Variants in TRMT11 observed in about 807,000 individuals in gnomAD.
The protein encoded by TRMT11 is tRNA methyltransferase 11, also known as tRNA (guanine(10)-N(2))-methyltransferase TRMT11.
Under a neutral mutation model 62.8 loss-of-function variants are expected in TRMT11, and 53 were observed. The ratio of observed to expected loss-of-function variants is 0.84; its 90% CI spans 0.68 to 1.06. The LOEUF (loss-of-function observed/expected upper bound fraction) is 1.06, where lower values mean the gene tolerates loss of function less well. Ranked by LOEUF, TRMT11 falls within the 50% of genes least tolerant of loss-of-function variation. The probability of loss-of-function intolerance (pLI) is 0.00; values close to 1 mark genes in which losing one functional copy is unlikely to be tolerated. For missense variants in TRMT11, 556 were observed against 553.4 expected (o/e 1.00, Z -0.05); for synonymous variants, 188 against 190.3 (o/e 0.99, Z 0.10).
intron 1 of TRMT11, among the ~76,000 whole-genome samples, chr6:125,993,266 T>G (rs139745173): frequency 6.6e-6 from 1 of 152,368 alleles, no homozygotes; most frequent in Non-Finnish European, 1.5e-5. Flanking sequence ...TTTGCATGAA[T>G]GATGCTTTTA....
chr6:126,093,606 TATATATATATA>T (rs1777301751), intron 17 of TRMT11, among the ~76,000 whole-genome samples: 1 of 89,340 alleles, frequency 1.1e-5, no homozygotes, highest in African/African-American at 6.7e-5. Context: ...TATATATATA[TATATATATATA>T]TATATATATA....
In TRMT11 at chr6:126,003,020, T is replaced by A. The variant is rs1027395852; in HGVS notation, c.679+3407T>A. 8.5e-5 allele frequency among the ~76,000 whole-genome samples: 13 copies of A among 152,204 alleles called. No homozygotes were observed. The South Asian group carries it at 1.5e-3, about 17-fold the overall frequency. On this transcript the variant is annotated intron_variant, in intron 7 of 12. Transcript: ENST00000334379. Reference sequence around the variant, plus strand: ...ATCTTTATTCTGTTTTAGTTTTGCTTCATGAGTGTATGTACCGTAATTTAT... The same window carrying A: ...ATCTTTATTCTGTTTTAGTTTTGCTACATGAGTGTATGTACCGTAATTTAT...
intron 17 of TRMT11, among the ~76,000 whole-genome samples, chr6:126,077,207 A>G (rs1449934880): frequency 5.3e-5 from 8 of 152,188 alleles, no homozygotes; most frequent in South Asian, 2.1e-4. Flanking sequence ...TTTCTTTCCA[A>G]TGGGCTGATT....
chr6:126,138,196 T>C, intron 21 of TRMT11, among the ~76,000 whole-genome samples: 1 of 152,106 alleles, frequency 6.6e-6, no homozygotes, highest in East Asian at 1.9e-4. Context: ...ATATGTTGTA[T>C]ATGTATATTA....
rs17854915 is a variant in TRMT11, at chr6:126,008,401, T to C, written c.689T>C (p.Leu230Pro). 55 of 1,612,988 alleles carry C rather than the reference T, an allele frequency of 3.4e-5. No homozygotes were observed. Among genetic ancestry groups the C allele is most frequent in the Non-Finnish European group, 4.4e-5 (52 of 1,179,202 alleles). The change falls in exon 8 of 13, where the codon CTG becomes CCG. Residue 230 changes from leucine to proline, a missense_variant. Transcript: ENST00000334379. ...TTGTGTGATTTTTCAGGTGGCCTGCTGATAGCATGTGCTCATTTTGGTGCA... is the reference window on the plus strand; with the variant it reads ...TTGTGTGATTTTTCAGGTGGCCTGCCGATAGCATGTGCTCATTTTGGTGCA... ...FDPFVGTGGL[L>P]IACAHFGAYV...
At chr6:126,209,379 C>T in the TRMT11 span, among the ~76,000 whole-genome samples, 1 of 152,124 alleles carries the variant, frequency 6.6e-6, no homozygotes, top group Non-Finnish European at 1.5e-5. Context: ...GGCCATATTA[C>T]ATTTCTCTGT....
chr6:126,161,413 A>C (rs1407993633), intron 21 of TRMT11, among the ~76,000 whole-genome samples: 2 of 152,198 alleles, frequency 1.3e-5, no homozygotes, highest in Non-Finnish European at 2.9e-5. Context: ...ACATGAACTC[A>C]TTCTTTATTA....
the TRMT11 span, among the ~76,000 whole-genome samples, chr6:126,231,639 G>C: frequency 6.6e-6 from 1 of 152,196 alleles, no homozygotes; most frequent in Non-Finnish European, 1.5e-5. Flanking sequence ...ACAAGCACAT[G>C]AGAAAGTGTA....
chr6:125,998,234 A>G lies in TRMT11; in HGVS notation c.306A>G (p.Leu102=). 1.2e-6 allele frequency: 2 copies of G among 1,600,524 alleles called. No homozygotes were observed. The highest frequency in any genetic ancestry group is 1.1e-5 in the South Asian group (1 of 90,496). The change falls in exon 5 of 13, where the codon CTA becomes CTG. Residue 102 remains leucine, a synonymous_variant. Coordinates refer to ENST00000334379, the MANE Select transcript of TRMT11 (RefSeq NM_001031712.3). ...TCCTTTTATTTTAGGTTCCATTTCT[A>G]CATTCGGACTCTACATATAAAATAA... ...NYPVEKMVPF[L]HSDSTYKIKI...
At chr6:126,190,422 T>A (rs1778584103) in intron 1 of TRMT11, among the ~76,000 whole-genome samples, 1 of 152,160 alleles carries the variant, frequency 6.6e-6, no homozygotes, top group African/African-American at 2.4e-5. Context: ...TCCCTCTTGA[T>A]GCATTGTGAA....
intron 16 of TRMT11, among the ~76,000 whole-genome samples, chr6:126,049,484 G>A (rs979813744): frequency 6.6e-6 from 1 of 151,530 alleles, no homozygotes; most frequent in Non-Finnish European, 1.5e-5. Context: ...CTATTTTAAT[G>A]TCAATTGTTG....
intron 17 of TRMT11, among the ~76,000 whole-genome samples, chr6:126,110,420 A>AAGAAATGTACC (rs1326229783): frequency 6.6e-6 from 1 of 152,192 alleles, no homozygotes; most frequent in African/African-American, 2.4e-5. Flanking sequence ...TGTATTCAAA[A>AAGAAATGTACC]AGAAATGTAC....
rs1778163506 is a variant in TRMT11 at position 126,159,397 on chromosome 6, A to G, written c.*1824-15428A>G. Among the ~76,000 whole-genome samples, 3 of 152,140 alleles carry G rather than the reference A, an allele frequency of 2.0e-5. No individual in the cohort carries two copies. The South Asian group carries it at 6.2e-4, about 32-fold the overall frequency. The stretch of plus-strand genomic sequence containing the variant: ...AGCCATAGACAATGCGTAAACAAAT[A>G]TGTATGGTTTTGTTCCCATAAAACT... On this transcript the variant is annotated intron_variant and NMD_transcript_variant, in intron 21 of 22. Coordinates refer to the TRMT11 transcript ENST00000648977.
intron 17 of TRMT11, among the ~76,000 whole-genome samples, chr6:126,058,291 T>G (rs993711468): frequency 6.6e-6 from 1 of 152,212 alleles, no homozygotes; most frequent in South Asian, 2.1e-4. Context: ...GAACTCCTCC[T>G]TTTTTATGGC....
intron 17 of TRMT11, among the ~76,000 whole-genome samples, chr6:126,067,913 T>C (rs1776737135): frequency 6.6e-6 from 1 of 152,194 alleles, no homozygotes; most frequent in African/African-American, 2.4e-5. Context: ...TTTTTAAAAA[T>C]AATAGCTTTA....
intron 1 of TRMT11, among the ~76,000 whole-genome samples, chr6:126,180,138 C>T (rs576126588): frequency 6.6e-6 from 1 of 152,192 alleles, no homozygotes; most frequent in East Asian, 1.9e-4. Context: ...AAACTTCAAT[C>T]ATTGTATTTT....
At chr6:125,987,561 T>C (rs1395920533) in intron 1 of TRMT11, among the ~76,000 whole-genome samples, 2 of 152,024 alleles carry the variant, frequency 1.3e-5, no homozygotes, top group Non-Finnish European at 2.9e-5. Flanking sequence ...CTATGGAGGA[T>C]GGATTTGAAA....
At chr6:126,032,087 T>C (rs1369655844) in intron 12 of TRMT11, among the ~76,000 whole-genome samples, 1 of 152,072 alleles carries the variant, frequency 6.6e-6, no homozygotes, top group East Asian at 1.9e-4. Flanking sequence ...ACTGAGCGGA[T>C]GATTGTTTTC....
chr6:126,134,458 A>G (rs1361351141), intron 21 of TRMT11, among the ~76,000 whole-genome samples: 2 of 151,870 alleles, frequency 1.3e-5, no homozygotes, highest in Non-Finnish European at 2.9e-5. Flanking sequence ...TACCATAGTA[A>G]ATACATATGC....
Sources: gnomAD v4.1 joint callset for allele counts (sites outside exome capture counted in the v4.1 genomes callset) on GRCh38, gnomAD v4.1.1 for gene constraint, MANE v1.5 for transcripts, NCBI Gene and HGNC (gene_info 2026-07-23, HGNC 2026-07-21) for gene names.